The following XYLT1 variants were observed in gnomAD, a reference collection of about 807,000 sequenced individuals.
XYLT1 encodes xylosyltransferase 1, also known as beta-D-xylosyltransferase 1.
A neutral mutation model predicts 91.3 loss-of-function variants in XYLT1; 36 were observed. The ratio of observed to expected loss-of-function variants is 0.39; its 90% CI spans 0.30 to 0.52. The LOEUF (loss-of-function observed/expected upper bound fraction) is 0.52, where lower values mean the gene tolerates loss of function less well. Ranked by LOEUF, XYLT1 falls within the 20% of genes least tolerant of loss-of-function variation. The pLI, the probability that XYLT1 is intolerant of heterozygous loss-of-function variation, is 0.68. For missense variants in XYLT1, 1,242 were observed against 1,284.5 expected (o/e 0.97, Z 0.51); for synonymous variants, 588 against 532.0 (o/e 1.11, Z -1.45).
At chr16:17,364,047 C>T (rs1397229663) in intron 1 of XYLT1, among the ~76,000 whole-genome samples, 1 of 152,112 alleles carries the variant, frequency 6.6e-6, no homozygotes, top group Admixed American at 6.6e-5. Flanking sequence ...ATGCAATCAC[C>T]TCAGTAAAGG....
Position 17,162,941 on chromosome 16 carries a change from G to A in XYLT1, c.1290-4032C>T, listed in dbSNP as rs183101779. Among the ~76,000 whole-genome samples the A allele has an allele frequency of 2.0e-5, 3 of 152,280 alleles. No homozygotes were observed. In the East Asian group the frequency reaches 5.8e-4, roughly 29 times the overall value. On this transcript the variant is annotated intron_variant, in intron 5 of 11. Transcript: ENST00000261381. ...TTACTTTCATTTCAATAAGCCTTAG[G>A]TCTTGAGAGTATTAAATAAAAACAA...
Position 17,466,108 on chromosome 16 carries a change from G to GT in XYLT1, c.363+4325dup, listed in dbSNP as rs559620292. Among the ~76,000 whole-genome samples the GT allele has an allele frequency of 2.0e-3, 311 of 152,212 alleles. 2 individuals carry two copies. The highest frequency in any genetic ancestry group is 7.1e-3 in the African/African-American group (296 of 41,536). On this transcript the variant is annotated intron_variant, in intron 1 of 11. Coordinates refer to ENST00000261381, the MANE Select transcript of XYLT1 (RefSeq NM_022166.4). ...TGCAGGTTTTGTTAAGATCGAGTTT[G>GT]TTTTTTAGTTATTTTTTATTTTCCC...
chr16:17,232,429 GTATA>G (rs144659961), intron 3 of XYLT1, among the ~76,000 whole-genome samples: 23 of 121,716 alleles, frequency 1.9e-4, no homozygotes, highest in Non-Finnish European at 2.5e-4. Flanking sequence ...GTGTGTGTGT[GTATA>G]TATATATATA....
At chr16:17,262,488 C>T (rs1005820032) in intron 2 of XYLT1, among the ~76,000 whole-genome samples, 1 of 152,184 alleles carries the variant, frequency 6.6e-6, no homozygotes, top group African/African-American at 2.4e-5. Flanking sequence ...TGGGTATCAC[C>T]ATCTTTGCTC....
At chr16:17,255,986 C>T (rs545750587) in intron 3 of XYLT1, among the ~76,000 whole-genome samples, 8 of 152,040 alleles carry the variant, frequency 5.3e-5, no homozygotes, top group Middle Eastern at 3.4e-3. Flanking sequence ...CCAGCCTGGG[C>T]GACAGAGCGA....
chr16:17,190,030 G>T (rs1457527437), intron 5 of XYLT1, among the ~76,000 whole-genome samples: 1 of 152,182 alleles, frequency 6.6e-6, no homozygotes, highest in Non-Finnish European at 1.5e-5. Context: ...TGGGCAACAA[G>T]AGGGGAGGCT....
At chr16:17,110,856 C>T (rs1266448788) in intron 11 of XYLT1, among the ~76,000 whole-genome samples, 2 of 152,114 alleles carry the variant, frequency 1.3e-5, no homozygotes, top group Admixed American at 6.5e-5. Context: ...ATTTTTCACT[C>T]ATGCAAAAAT....
chr16:17,444,008 A>G (rs2036562757), intron 1 of XYLT1, among the ~76,000 whole-genome samples: 1 of 151,984 alleles, frequency 6.6e-6, no homozygotes, highest in Non-Finnish European at 1.5e-5. Context: ...CCCTCACTCA[A>G]TGACCACCAG....
chr16:17,294,023 T>G (rs2034272286), intron 2 of XYLT1, among the ~76,000 whole-genome samples: 1 of 152,124 alleles, frequency 6.6e-6, no homozygotes, highest in South Asian at 2.1e-4. Flanking sequence ...GCTTAACCAC[T>G]CTGGGCCTCA....
At chr16:17,447,481 C>T (rs1206166672) in intron 1 of XYLT1, among the ~76,000 whole-genome samples, 3 of 152,236 alleles carry the variant, frequency 2.0e-5, no homozygotes, top group African/African-American at 7.2e-5. Context: ...TTGTGTCCTG[C>T]ACAAAGCATG....
rs74643788 is a variant in XYLT1 at position 17,268,972 on chromosome 16, C to G, written c.403-9474G>C. On this transcript the variant is annotated intron_variant, in intron 2 of 11. Coordinates refer to ENST00000261381, the MANE Select transcript of XYLT1 (RefSeq NM_022166.4). ...ACAGGCGTGAGCCACTGCGCCCAGC[C>G]GATAAATACTTTCCTATAGAGAGAG... 2.0e-5 allele frequency among the ~76,000 whole-genome samples: 3 copies of G among 152,070 alleles called. No individual in the cohort carries two copies. In the East Asian group the frequency reaches 5.8e-4, roughly 29 times the overall value.
intron 2 of XYLT1, among the ~76,000 whole-genome samples, chr16:17,314,387 G>A (rs951838466): frequency 7.2e-5 from 11 of 152,188 alleles, no homozygotes; most frequent in African/African-American, 2.2e-4. Context: ...GCACGTTGCC[G>A]AGTCAGTCAT....
At chr16:17,192,187 C>T (rs950076719) in intron 5 of XYLT1, among the ~76,000 whole-genome samples, 1 of 151,292 alleles carries the variant, frequency 6.6e-6, no homozygotes, top group African/African-American at 2.4e-5. Flanking sequence ...CCACCTCTGC[C>T]TCCTGGGTTC....
At position 17,130,630 on chromosome 16, in the gene XYLT1, C is replaced by T. The variant is rs143162333; in HGVS notation, c.2028-2769G>A. The stretch of plus-strand genomic sequence containing the variant: ...CTGGGATTACAGGTGTCAGCCATCA[C>T]ACCTGGCCCCTTCCATCCTCTATTC... On this transcript the variant is annotated intron_variant, in intron 9 of 11. Coordinates refer to ENST00000261381, the MANE Select transcript of XYLT1 (RefSeq NM_022166.4). Among the ~76,000 whole-genome samples, 899 of 152,262 alleles carry T rather than the reference C, an allele frequency of 5.9e-3. 8 individuals are homozygous for T. Among genetic ancestry groups the T allele is most frequent in the African/African-American group, 0.02 (849 of 41,544 alleles).
At chr16:17,118,027 GC>G in intron 10 of XYLT1, 48 bp from the exon 11 acceptor site, 1 of 1,558,742 alleles carries the variant, frequency 6.4e-7, no homozygotes, top group Non-Finnish European at 8.7e-7. Context: ...GAACTAGGGG[GC>G]TAGGTCTCAG....
intron 2 of XYLT1, among the ~76,000 whole-genome samples, chr16:17,287,393 C>G (rs1418946247): frequency 6.6e-6 from 1 of 152,164 alleles, no homozygotes; most frequent in Non-Finnish European, 1.5e-5. Context: ...GGGGCTGTGG[C>G]CACTTCATCA....
chr16:17,129,612 G>A (rs573429420), intron 9 of XYLT1, among the ~76,000 whole-genome samples: 3 of 152,270 alleles, frequency 2.0e-5, no homozygotes, highest in Admixed American at 1.3e-4. Context: ...GTGGTGTTTG[G>A]TTGCATGAGT....
intron 1 of XYLT1, among the ~76,000 whole-genome samples, chr16:17,448,768 A>AGAGGAG (rs1254353373): frequency 2.0e-5 from 3 of 151,844 alleles, no homozygotes; most frequent in African/African-American, 7.3e-5. Context: ...AGGAAGAGGA[A>AGAGGAG]GAGGAGGAGG....
At chr16:17,255,574 G>T (rs999906275) in intron 3 of XYLT1, among the ~76,000 whole-genome samples, 1 of 152,120 alleles carries the variant, frequency 6.6e-6, no homozygotes, top group African/African-American at 2.4e-5. Flanking sequence ...TGCTGGAAAC[G>T]TTGCACTCCA....
Sources: gnomAD v4.1 joint callset for allele counts (sites outside exome capture counted in the v4.1 genomes callset) on GRCh38, gnomAD v4.1.1 for gene constraint, MANE v1.5 for transcripts, NCBI Gene and HGNC (gene_info 2026-07-23, HGNC 2026-07-21) for gene names.